The following HYCC2 variants were observed in gnomAD, a reference collection of about 807,000 sequenced individuals.
HYCC2 encodes the protein hyccin PI4KA lipid kinase complex subunit 2.
At chr2:201,010,574 A>T in the HYCC2 span, among the ~76,000 whole-genome samples, 1 of 152,204 alleles carries the variant, frequency 6.6e-6, no homozygotes, top group Non-Finnish European at 1.5e-5. Context: ...AATAAATATA[A>T]GCAAAAAAGT....
the HYCC2 span, among the ~76,000 whole-genome samples, chr2:201,033,176 TG>T: frequency 6.9e-6 from 1 of 144,976 alleles, no homozygotes; most frequent in South Asian, 2.1e-4. Flanking sequence ...TGTGTGTGTG[TG>T]TGTGTGTGTG....
At chr2:201,023,949 T>G in the HYCC2 span, 1 of 1,606,736 alleles carries the variant, frequency 6.2e-7, no homozygotes, top group East Asian at 2.2e-5. Flanking sequence ...TGATCTCCAA[T>G]CCAATTTACC....
chr2:201,035,799 T>A, the HYCC2 span, among the ~76,000 whole-genome samples: 1 of 152,150 alleles, frequency 6.6e-6, no homozygotes, highest in African/African-American at 2.4e-5. Flanking sequence ...GTCCTTTCTG[T>A]TAGTTAATTT....
the HYCC2 span, chr2:200,987,443 GCA>G: frequency 7.8e-7 from 1 of 1,289,762 alleles, no homozygotes; most frequent in Non-Finnish European, 1.0e-6. Context: ...TCCCCCTCTT[GCA>G]CACGTTTGAT....
the HYCC2 span, chr2:201,017,155 A>C: frequency 6.2e-7 from 1 of 1,613,262 alleles, no homozygotes; most frequent in East Asian, 2.2e-5. Context: ...AGCTGATGGC[A>C]GACAGGCTCC....
chr2:201,037,424 G>A, the HYCC2 span, among the ~76,000 whole-genome samples: 19 of 152,204 alleles, frequency 1.2e-4, no homozygotes, highest in African/African-American at 2.4e-4. Flanking sequence ...AAAAGAGCCC[G>A]CATTGCCAAG....
the HYCC2 span, among the ~76,000 whole-genome samples, chr2:201,070,625 C>T: frequency 1.4e-4 from 22 of 151,762 alleles, no homozygotes; most frequent in African/African-American, 5.1e-4. Flanking sequence ...GCACTCCAGC[C>T]TGGGCAACAA....
At chr2:201,017,114 T>C in the HYCC2 span, 9 of 1,613,948 alleles carry the variant, frequency 5.6e-6, no homozygotes, top group Non-Finnish European at 7.6e-6. Flanking sequence ...ACCTCTTAAG[T>C]CGAACCTCTG....
the HYCC2 span, among the ~76,000 whole-genome samples, chr2:201,003,640 C>T: frequency 6.7e-6 from 1 of 148,252 alleles, no homozygotes; most frequent in Admixed American, 6.8e-5. Flanking sequence ...ACCTGGGAGG[C>T]GGAGGTTGCA....
chr2:201,015,745 A>G, the HYCC2 span, among the ~76,000 whole-genome samples: 3 of 152,224 alleles, frequency 2.0e-5, no homozygotes, highest in Non-Finnish European at 4.4e-5. Context: ...TCCAGCTTGC[A>G]TATATACTCT....
the HYCC2 span, among the ~76,000 whole-genome samples, chr2:201,035,821 G>A: frequency 6.6e-6 from 1 of 152,120 alleles, no homozygotes; most frequent in Non-Finnish European, 1.5e-5. Flanking sequence ...CCTTCTAATA[G>A]TCAGGACCCT....
the HYCC2 span, chr2:201,023,082 C>CCCA: frequency 1.8e-6 from 1 of 551,206 alleles, no homozygotes; most frequent in Middle Eastern, 5.0e-4. Context: ...GGCACAGTGG[C>CCCA]TCACGTCTGG....
chr2:201,043,467 G>A, the HYCC2 span, among the ~76,000 whole-genome samples: 1 of 145,804 alleles, frequency 6.9e-6, no homozygotes, highest in Admixed American at 6.8e-5. Context: ...AAATAGAATA[G>A]TACTGGTTAC....
the HYCC2 span, among the ~76,000 whole-genome samples, chr2:200,990,068 T>C: frequency 6.6e-6 from 1 of 152,152 alleles, no homozygotes; most frequent in African/African-American, 2.4e-5. Flanking sequence ...GCACTTCCCT[T>C]TAATATAAAA....
At chr2:201,018,343 T>C in the HYCC2 span, among the ~76,000 whole-genome samples, 2 of 152,116 alleles carry the variant, frequency 1.3e-5, no homozygotes, top group Non-Finnish European at 2.9e-5. Context: ...TAAAGTTTAA[T>C]ACTAACTCTT....
the HYCC2 span, among the ~76,000 whole-genome samples, chr2:200,999,379 C>A: frequency 6.6e-6 from 1 of 151,882 alleles, no homozygotes; most frequent in East Asian, 1.9e-4. Context: ...ATTTTTTATT[C>A]CCTCTCCCCA....
At chr2:201,058,910 G>A in the HYCC2 span, among the ~76,000 whole-genome samples, 2 of 152,180 alleles carry the variant, frequency 1.3e-5, no homozygotes, top group Admixed American at 6.5e-5. Context: ...GAGTAAAGCA[G>A]ACTGCCTTTC....
chr2:201,018,831 A>G, the HYCC2 span, among the ~76,000 whole-genome samples: 1 of 152,288 alleles, frequency 6.6e-6, no homozygotes, highest in Middle Eastern at 3.4e-3. Flanking sequence ...ACTGACACAA[A>G]AGAAAAATAT....
At chr2:201,012,188 G>GGTGGCTGAGGCCTGTAATCCCATCA in the HYCC2 span, among the ~76,000 whole-genome samples, 3 of 152,152 alleles carry the variant, frequency 2.0e-5, no homozygotes, top group African/African-American at 7.2e-5. Context: ...GGCCAGGTGT[G>GGTGGCTGAGGCCTGTAATCCCATCA]GTGGCTGAGG....
Sources: gnomAD v4.1 joint callset for allele counts (sites outside exome capture counted in the v4.1 genomes callset) on GRCh38, gnomAD v4.1.1 for gene constraint, MANE v1.5 for transcripts, NCBI Gene and HGNC (gene_info 2026-07-23, HGNC 2026-07-21) for gene names.